ARPP21: variants seen among roughly 807,000 people sequenced by gnomAD.
ARPP21 encodes the protein cAMP regulated phosphoprotein 21, also known as cAMP-regulated phosphoprotein 21.
Under a neutral mutation model 113.2 loss-of-function variants are expected in ARPP21, and 69 were observed. The ratio of observed to expected loss-of-function variants is 0.61; its 90% CI spans 0.50 to 0.74. ARPP21 has a LOEUF of 0.74. Among genes scored for constraint, ARPP21 ranks in the 30% least tolerant of loss-of-function variants. ARPP21 has a pLI of 0.00. For synonymous variants in ARPP21, 368 were observed against 375.5 expected (o/e 0.98, Z 0.23); for missense variants, 1,070 against 1,037.4 (o/e 1.03, Z -0.43).
At chr3:35,687,930 A>T in intron 6 of ARPP21, 47 bp downstream of exon 6, 3 of 1,533,084 alleles carry the variant, frequency 2.0e-6, no homozygotes, top group Non-Finnish European at 8.8e-7. Context: ...GGGCACACAC[A>T]TAGTCACAGA....
At position 35,709,044 on chromosome 3, in the gene ARPP21, G is replaced by A. The variant is rs1382575894; in HGVS notation, c.871G>A (p.Val291Met). The stretch of plus-strand genomic sequence containing the variant: ...AGAGAGAGAAGAGGAATATCAGAGA[G>A]TGAGGGAGAGAATATTTGCACACGA... ...IEEREEEYQR[V>M]RERIFAHDSV... is the part of the protein sequence containing the mutation. Residue 291 changes from valine (V) to methionine (M), a missense_variant, in exon 11 of 21, where the codon GTG (valine) becomes ATG (methionine). Val to Met is a conservative substitution (Grantham distance 21). Transcript: ENST00000684406. 21 of 1,613,154 alleles carry A rather than the reference G, an allele frequency of 1.3e-5. No individual in the cohort carries two copies. The highest frequency in any genetic ancestry group is 1.5e-5 in the Non-Finnish European group (18 of 1,179,246).
At chr3:35,644,048 GTATTT>G (rs1221318258) in intron 1 of ARPP21, among the ~76,000 whole-genome samples, 1 of 151,860 alleles carries the variant, frequency 6.6e-6, no homozygotes, top group Non-Finnish European at 1.5e-5. Flanking sequence ...CTGTGGACTT[GTATTT>G]TATTTTTTAT....
chr3:35,649,411 A>G (rs1435958761), intron 1 of ARPP21, among the ~76,000 whole-genome samples: 1 of 152,216 alleles, frequency 6.6e-6, no homozygotes, highest in African/African-American at 2.4e-5. Flanking sequence ...ACTGACTACA[A>G]ACATTACTTT....
chr3:35,741,726 A>C (rs1304932622), intron 18 of ARPP21, among the ~76,000 whole-genome samples: 1 of 152,120 alleles, frequency 6.6e-6, no homozygotes, highest in African/African-American at 2.4e-5. Context: ...GAAAATATAC[A>C]TTTCTGAGCT....
At chr3:35,766,004 T>A (rs1043804146) in intron 19 of ARPP21, among the ~76,000 whole-genome samples, 1 of 152,140 alleles carries the variant, frequency 6.6e-6, no homozygotes, top group African/African-American at 2.4e-5. Flanking sequence ...TTAATGTAGC[T>A]CTGGGTACCA....
At chr3:35,707,913 A>G (rs977978545) in intron 10 of ARPP21, among the ~76,000 whole-genome samples, 1 of 152,168 alleles carries the variant, frequency 6.6e-6, no homozygotes, top group Admixed American at 6.5e-5. Context: ...TATAAATGCC[A>G]TTACAATTAT....
chr3:35,707,683 G>C, intron 10 of ARPP21: 1 of 390,484 alleles, frequency 2.6e-6, no homozygotes, highest in Non-Finnish European at 5.2e-6. Flanking sequence ...ATGAAGTGTA[G>C]CAGAACTTTA....
At chr3:35,639,454 C>G (rs938632362), upstream of ARPP21, 4 of 152,056 alleles carry the variant, frequency 2.6e-5, no homozygotes, top group Non-Finnish European at 5.9e-5. The surrounding 1 kb of genome is among the most constrained non-coding windows in gnomAD (Gnocchi z 5.0). Context: ...TCCGGAGCTG[C>G]GGGGAGGAGC....
chr3:35,793,770 C>T lies in ARPP21; in HGVS notation c.2356C>T (p.Gln786Ter). Reference sequence around the variant, plus strand: ...CCAACAGCCAATCATGCTACCTAACCAGGCAGGTCAAGGGTCACTCCCAGC... The same window carrying T: ...CCAACAGCCAATCATGCTACCTAACTAGGCAGGTCAAGGGTCACTCCCAGC... ...SYQQPIMLPN[Q>*]AGQGSLPATG... The change falls in exon 21 of 21, where the codon CAG becomes TAG. Residue 786 changes from glutamine to a stop codon, truncating the protein, a stop_gained. Transcript: ENST00000684406. LOFTEE classifies it high-confidence loss of function. 2 of 1,613,604 alleles carry T rather than the reference C, an allele frequency of 1.2e-6. No individual in the cohort carries two copies. The highest frequency in any genetic ancestry group is 1.7e-6 in the Non-Finnish European group (2 of 1,179,522).
At chr3:35,687,955 T>C in intron 6 of ARPP21, 72 bp downstream of exon 6, 1 of 1,403,704 alleles carries the variant, frequency 7.1e-7, no homozygotes, top group Non-Finnish European at 9.7e-7. Flanking sequence ...ATTCTAGATT[T>C]CACATGCATA....
At chr3:35,689,466 A>C (rs2081591730) in intron 7 of ARPP21, 81 bp downstream of exon 7, 1 of 763,026 alleles carries the variant, frequency 1.3e-6, no homozygotes, top group Admixed American at 2.2e-5. Flanking sequence ...AACACTTCTA[A>C]GAAAGCCATT....
At chr3:35,735,610 G>T (rs748521520) in intron 15 of ARPP21, among the ~76,000 whole-genome samples, 1 of 152,232 alleles carries the variant, frequency 6.6e-6, no homozygotes, top group Non-Finnish European at 1.5e-5. Flanking sequence ...TGCTAGGGCA[G>T]AGCTCAGCAT....
At chr3:35,780,732 G>A (rs932875470) in intron 19 of ARPP21, among the ~76,000 whole-genome samples, 6 of 152,120 alleles carry the variant, frequency 3.9e-5, no homozygotes, top group African/African-American at 9.7e-5. Context: ...AGCCGCAACC[G>A]AAACCTGCTC....
At chr3:35,686,296 G>T (rs541473380) in intron 5 of ARPP21, among the ~76,000 whole-genome samples, 59 of 151,668 alleles carry the variant, frequency 3.9e-4, no homozygotes, top group Non-Finnish European at 6.8e-4. Flanking sequence ...AGACATTTCT[G>T]TCCCAAACTG....
chr3:35,671,566 A>G (rs1478281615), intron 1 of ARPP21, among the ~76,000 whole-genome samples: 1 of 152,076 alleles, frequency 6.6e-6, no homozygotes, highest in African/African-American at 2.4e-5. Flanking sequence ...GGGAGAAAAA[A>G]CAAAAGACCC....
chr3:35,685,211 G>A (rs2080195481), intron 5 of ARPP21: 1 of 985,196 alleles, frequency 1.0e-6, no homozygotes, highest in Admixed American at 6.2e-5. Flanking sequence ...GGGATCAACT[G>A]TATCACAGTG....
At chr3:35,653,589 C>G (rs539428722) in intron 1 of ARPP21, among the ~76,000 whole-genome samples, 1 of 152,016 alleles carries the variant, frequency 6.6e-6, no homozygotes, top group Non-Finnish European at 1.5e-5. Flanking sequence ...CACTCTCCCC[C>G]GGTGTCATAG....
At chr3:35,757,827 T>TG (rs2095628080) in intron 19 of ARPP21, among the ~76,000 whole-genome samples, 2 of 152,136 alleles carry the variant, frequency 1.3e-5, no homozygotes, top group Non-Finnish European at 2.9e-5. Context: ...GTATTATATT[T>TG]ATTCAAAACT....
chr3:35,741,839 C>G (rs1440884909), intron 18 of ARPP21, among the ~76,000 whole-genome samples: 2 of 152,152 alleles, frequency 1.3e-5, no homozygotes, highest in African/African-American at 4.8e-5. Context: ...TTTCCATCCT[C>G]TCTAAGAGAG....
Sources: gnomAD v4.1 joint callset for allele counts (sites outside exome capture counted in the v4.1 genomes callset) on GRCh38, gnomAD v4.1.1 for gene constraint, Gnocchi (gnomAD v3.1) non-coding constraint, MANE v1.5 for transcripts, NCBI Gene and HGNC (gene_info 2026-07-23, HGNC 2026-07-21) for gene names.